Variants in ARHGAP42 observed in about 807,000 individuals in gnomAD.
The protein encoded by ARHGAP42 is Rho GTPase activating protein 42, also known as rho GTPase-activating protein 42.
ARHGAP42 carries 63 observed loss-of-function variants against 125.0 expected under a neutral mutation model. The observed-to-expected ratio is 0.50, with a 90% CI of 0.41 to 0.62. ARHGAP42 has a LOEUF of 0.62. Ranked by LOEUF, ARHGAP42 falls within the 20% of genes least tolerant of loss-of-function variation. ARHGAP42 has a pLI of 0.00. For synonymous variants in ARHGAP42, 339 were observed against 351.0 expected (o/e 0.97, Z 0.38); for missense variants, 766 against 1,024.2 (o/e 0.75, Z 3.44).
At chr11:100,933,856 C>T (rs1867652923) in intron 7 of ARHGAP42, among the ~76,000 whole-genome samples, 1 of 151,914 alleles carries the variant, frequency 6.6e-6, no homozygotes, top group Non-Finnish European at 1.5e-5. Context: ...GGCATGATCT[C>T]GGCTCACCGC....
intron 6 of ARHGAP42, among the ~76,000 whole-genome samples, chr11:100,926,573 T>C (rs1867430337): frequency 1.3e-5 from 2 of 152,228 alleles, no homozygotes; most frequent in Non-Finnish European, 1.5e-5. Context: ...TGGAATAAGA[T>C]GGAATTTGGC....
At chr11:100,863,082 A>AC (rs1339014647) in intron 4 of ARHGAP42, among the ~76,000 whole-genome samples, 2 of 149,662 alleles carry the variant, frequency 1.3e-5, no homozygotes, top group African/African-American at 5.0e-5. Context: ...ACACACACAC[A>AC]ACAACAAAAA....
chr11:100,950,968 G>C (rs7946168), intron 12 of ARHGAP42, among the ~76,000 whole-genome samples: 2,312 of 151,832 alleles, frequency 0.015, 61 homozygotes, highest in African/African-American at 0.052. Context: ...TTCCCACCTT[G>C]GTCTCCCAAA....
intron 2 of ARHGAP42, among the ~76,000 whole-genome samples, chr11:100,784,836 C>G (rs925088460): frequency 6.6e-6 from 1 of 152,108 alleles, no homozygotes; most frequent in Admixed American, 6.5e-5. Flanking sequence ...GTTCTATGAC[C>G]TTGCATGTTA....
chr11:100,846,638 C>T (rs1315738641), intron 3 of ARHGAP42, among the ~76,000 whole-genome samples: 2 of 152,070 alleles, frequency 1.3e-5, no homozygotes, highest in Admixed American at 1.3e-4. Flanking sequence ...AGCATTTTCT[C>T]AAAAATACTC....
chr11:100,713,419 T>G (rs1502284), intron 1 of ARHGAP42, among the ~76,000 whole-genome samples: 87,406 of 152,006 alleles, frequency 0.58, 25,757 homozygotes, highest in African/African-American at 0.72. Context: ...GAATGGATCC[T>G]CTGATCCTCT....
intron 1 of ARHGAP42, among the ~76,000 whole-genome samples, chr11:100,715,646 T>C (rs573672510): frequency 1.6e-4 from 25 of 152,308 alleles, no homozygotes; most frequent in African/African-American, 6.0e-4. Context: ...TAGACTTTAG[T>C]AGACATTCAT....
chr11:100,821,941 C>T (rs529275285), intron 3 of ARHGAP42, among the ~76,000 whole-genome samples: 107 of 152,154 alleles, frequency 7.0e-4, no homozygotes, highest in African/African-American at 2.6e-3. Context: ...AAGAATTGTA[C>T]GTTTCTTTCG....
In ARHGAP42 at chr11:100,933,251, C is replaced by T. The variant is rs79213484; in HGVS notation, c.693C>T (p.Asn231=). The change falls in exon 7 of 24, where the codon AAC becomes AAT. Residue 231 remains asparagine (N), a synonymous_variant. Transcript: ENST00000298815. ...FAPYKQQLQF[N]LQNTRNNFES... is the part of the protein sequence containing the mutation. ...CGTATAAGCAACAGCTGCAGTTCAACTTGCAGAATGTAAGAGTATACCTGT... is the reference window on the plus strand; with the variant it reads ...CGTATAAGCAACAGCTGCAGTTCAATTTGCAGAATGTAAGAGTATACCTGT... 0.023 allele frequency: 36,219 copies of T among 1,547,322 alleles called. 493 individuals are homozygous for T. The highest frequency in any genetic ancestry group is 0.027 in the Non-Finnish European group (30,650 of 1,143,454).
intron 3 of ARHGAP42, among the ~76,000 whole-genome samples, chr11:100,806,888 C>T (rs1202940883): frequency 6.6e-6 from 1 of 150,568 alleles, no homozygotes; most frequent in African/African-American, 2.4e-5. Context: ...CACTTTGTTG[C>T]CCAGGCTGGA....
At chr11:100,943,564 G>T (rs946569958) in intron 9 of ARHGAP42, among the ~76,000 whole-genome samples, 195 bp from the exon 10 acceptor site, 2 of 152,102 alleles carry the variant, frequency 1.3e-5, no homozygotes, top group African/African-American at 4.8e-5. Flanking sequence ...ACATGCATAT[G>T]CCATTAATTA....
rs1195013634 is a variant in ARHGAP42 at position 100,858,818 on chromosome 11, C to T, written c.313-736C>T. Among the ~76,000 whole-genome samples the T allele has an allele frequency of 2.0e-5, 3 of 152,124 alleles. No homozygotes were observed. In the East Asian group the frequency reaches 5.8e-4, roughly 29 times the overall value. ...TCTTTATTTTAATGCTTTCTAAAGGCTGTTTTTTAAATCAACATTCCCCTC... is the reference window on the plus strand; with the variant it reads ...TCTTTATTTTAATGCTTTCTAAAGGTTGTTTTTTAAATCAACATTCCCCTC... On this transcript the variant is annotated intron_variant, in intron 3 of 23. Transcript: ENST00000298815.
intron 1 of ARHGAP42, among the ~76,000 whole-genome samples, chr11:100,713,124 G>A (rs1400193342): frequency 6.6e-6 from 1 of 152,238 alleles, no homozygotes; most frequent in South Asian, 2.1e-4. Context: ...GTGTTCTCCT[G>A]GAAAACAGAT....
intron 1 of ARHGAP42, among the ~76,000 whole-genome samples, chr11:100,717,805 C>T (rs112901894): frequency 0.027 from 4,018 of 146,562 alleles, 68 homozygotes; most frequent in Non-Finnish European, 0.032. Flanking sequence ...ACACACCTGT[C>T]ATCCCAGCTA....
At chr11:100,763,285 A>G (rs1250948613) in intron 1 of ARHGAP42, among the ~76,000 whole-genome samples, 1 of 151,478 alleles carries the variant, frequency 6.6e-6, no homozygotes, top group African/African-American at 2.4e-5. Flanking sequence ...CCAGCTGTTT[A>G]TAGTGAATTC....
At chr11:100,886,951 A>C (rs568050092) in intron 4 of ARHGAP42, among the ~76,000 whole-genome samples, 2 of 152,288 alleles carry the variant, frequency 1.3e-5, no homozygotes, top group Admixed American at 1.3e-4. Flanking sequence ...GAACTAATAC[A>C]AAGCTGTGTT....
chr11:100,688,172 A>G (rs1477258563), intron 1 of ARHGAP42, among the ~76,000 whole-genome samples: 1 of 152,066 alleles, frequency 6.6e-6, no homozygotes, highest in African/African-American at 2.4e-5. Flanking sequence ...AGTTTGAACT[A>G]AAAAAGCCCT....
At chr11:100,702,142 A>G (rs758334041) in intron 1 of ARHGAP42, among the ~76,000 whole-genome samples, 5 of 152,122 alleles carry the variant, frequency 3.3e-5, no homozygotes, top group Non-Finnish European at 7.3e-5. Flanking sequence ...TAATATAATG[A>G]ATAAAAATAA....
rs1032289417 is a variant in ARHGAP42, at chr11:100,687,563, G to A, written c.-116G>A. ...TCCTCCGCGCAATCAGTCCCCTCGC[G>A]TCCCGGCGCCTTCCCCGCGATCGCG... On this transcript the variant is annotated 5_prime_UTR_variant, in exon 1 of 24. Transcript: ENST00000298815. 4 of 810,642 alleles carry A rather than the reference G, an allele frequency of 4.9e-6. No individual in the cohort carries two copies. The highest frequency in any genetic ancestry group is 1.2e-4 in the South Asian group (2 of 16,752). 50.2% of individuals were successfully genotyped at this position (810,642 alleles called of 1,614,324 possible). A position where few individuals can be genotyped will look rare whatever the true frequency, so the allele number is the denominator to read the frequency against.
Sources: gnomAD v4.1 joint callset for allele counts (sites outside exome capture counted in the v4.1 genomes callset) on GRCh38, gnomAD v4.1.1 for gene constraint, MANE v1.5 for transcripts, NCBI Gene and HGNC (gene_info 2026-07-23, HGNC 2026-07-21) for gene names.